The following ABCB4 variants were observed in gnomAD, a reference collection of about 807,000 sequenced individuals.
The protein encoded by ABCB4 is phosphatidylcholine translocator ABCB4.
A neutral mutation model predicts 145.7 loss-of-function variants in ABCB4; 76 were observed. That is an observed-to-expected ratio of 0.52 (90% CI 0.43 to 0.63). The LOEUF is 0.63. ABCB4 is among the 30% of genes least tolerant of loss of function. The pLI is 0.00. For missense variants in ABCB4, 1,234 were observed against 1,553.1 expected (o/e 0.79, Z 3.45); for synonymous variants, 517 against 566.8 (o/e 0.91, Z 1.25).
chr7:87,467,496 A>C (rs971755725), intron 3 of ABCB4, among the ~76,000 whole-genome samples: 2 of 152,206 alleles, frequency 1.3e-5, no homozygotes, highest in African/African-American at 4.8e-5. Flanking sequence ...ACGAGACAGA[A>C]GTTAACAAGG....
At chr7:87,411,390 G>A (rs185055455) in intron 23 of ABCB4, among the ~76,000 whole-genome samples, 1 of 152,206 alleles carries the variant, frequency 6.6e-6, no homozygotes, top group East Asian at 1.9e-4. Flanking sequence ...GTTTGCCTTG[G>A]AAACCAAGGA....
chr7:87,472,170 T>G (rs4148811), intron 3 of ABCB4, among the ~76,000 whole-genome samples: 40,484 of 151,980 alleles, frequency 0.27, 6,530 homozygotes, highest in African/African-American at 0.46. Flanking sequence ...GCCAAACTTA[T>G]ACAGCACAGG....
chr7:87,417,409 G>T lies in ABCB4; in HGVS notation c.2585C>A (p.Ala862Glu). ...TGACACAGCAATAATTGGAACAACT[G>T]CTAATAGCAATAGGGTTAACTGCCA... ...YGWQLTLLLL[A>E]VVPIIAVSGI... is the part of the protein sequence containing the mutation. Residue 862 changes from alanine to glutamate, a missense_variant, in exon 21 of 28, where the codon GCA (alanine) becomes GAA (glutamate). Physicochemically the swap from Ala to Glu is moderately radical, Grantham distance 107 (BLOSUM62 -1). Coordinates refer to ENST00000649586, the MANE Select transcript of ABCB4 (RefSeq NM_000443.4). The T allele has an allele frequency of 6.2e-7, 1 of 1,614,040 alleles. No individual in the cohort carries two copies. The highest frequency in any genetic ancestry group is 8.5e-7 in the Non-Finnish European group (1 of 1,179,954).
chr7:87,434,291 G>A (rs1562970997), intron 14 of ABCB4, among the ~76,000 whole-genome samples: 1 of 151,898 alleles, frequency 6.6e-6, no homozygotes, highest in Non-Finnish European at 1.5e-5. Flanking sequence ...ATGATCAGGA[G>A]TGTGCATGTA....
At chr7:87,374,088 C>G in the ABCB4 span, among the ~76,000 whole-genome samples, 1 of 151,922 alleles carries the variant, frequency 6.6e-6, no homozygotes, top group African/African-American at 2.4e-5. Context: ...AGAAGCCAGA[C>G]TGTGTGGGTT....
chr7:87,446,117 TCAC>T (rs1811329321), intron 9 of ABCB4, among the ~76,000 whole-genome samples: 1 of 152,156 alleles, frequency 6.6e-6, no homozygotes, highest in South Asian at 2.1e-4. Flanking sequence ...TAATGAGGGC[TCAC>T]CAAGTCGAAC....
At chr7:87,385,764 G>C in the ABCB4 span, among the ~76,000 whole-genome samples, 1 of 152,178 alleles carries the variant, frequency 6.6e-6, no homozygotes, top group Non-Finnish European at 1.5e-5. Context: ...CTAGATCTTA[G>C]AGGAAAGTCT....
At chr7:87,468,208 G>C (rs1320144093) in intron 3 of ABCB4, among the ~76,000 whole-genome samples, 1 of 152,110 alleles carries the variant, frequency 6.6e-6, no homozygotes, top group Non-Finnish European at 1.5e-5. Context: ...AAATGATAAA[G>C]GGGATATCAC....
At chr7:87,424,951 G>T (rs1239458144) in intron 16 of ABCB4, among the ~76,000 whole-genome samples, 1 of 151,988 alleles carries the variant, frequency 6.6e-6, no homozygotes, top group Non-Finnish European at 1.5e-5. Flanking sequence ...ACTGAGAAAG[G>T]TTATATTTAT....
chr7:87,451,534 C>T (rs1011876374), intron 7 of ABCB4, 89 bp downstream of exon 7: 1 of 1,427,806 alleles, frequency 7.0e-7, no homozygotes, highest in Non-Finnish European at 9.8e-7. Context: ...TAATGTAGAC[C>T]TGAACAGGTA....
At chr7:87,436,109 A>T (rs45437391) in intron 14 of ABCB4, among the ~76,000 whole-genome samples, 4,018 of 152,290 alleles carry the variant, frequency 0.026, 179 homozygotes, top group African/African-American at 0.091. Context: ...GCTGTGTACA[A>T]TGAGGTTTGG....
In ABCB4 at chr7:87,451,787, A is replaced by G; in HGVS notation, c.544T>C (p.Ser182Pro). The change falls in exon 7 of 28, where the codon TCC becomes CCC. Residue 182 changes from serine (S) to proline (P), a missense_variant. By Grantham distance (74) the Ser-to-Pro change is moderately conservative (BLOSUM62 -1). Around this residue, in one of 7 missense-constraint regions of ABCB4, gnomAD observed 467 missense variants for 632.8 expected, o/e 0.74. Coordinates refer to ENST00000649586, the MANE Select transcript of ABCB4 (RefSeq NM_000443.4). ...ELNTRLTDDI[S>P]KISEGIGDKV... The stretch of plus-strand genomic sequence containing the variant: ...TCACCAATTCCTTCACTGATTTTGG[A>G]GATGTCACTAAAAAAGATCACACCT... The G allele has an allele frequency of 6.2e-7, 1 of 1,614,166 alleles. No individual in the cohort carries two copies. The highest frequency in any genetic ancestry group is 1.1e-5 in the South Asian group (1 of 91,078).
chr7:87,424,060 A>G lies in ABCB4; in HGVS notation c.2065-8T>C, dbSNP rs962285918. On this transcript the variant is annotated splice_region_variant and splice_polypyrimidine_tract_variant and intron_variant, in intron 16 of 27. Coordinates refer to ENST00000649586, the MANE Select transcript of ABCB4 (RefSeq NM_000443.4). ...TGGTGGCACATTTGCTTCCTAGAAC[A>G]TATAAACATCAGGGCAAACTGGTGA... 1 of 1,613,914 alleles carries G rather than the reference A, an allele frequency of 6.2e-7. No homozygotes were observed. The highest frequency in any genetic ancestry group is 1.7e-5 in the Admixed American group (1 of 60,004).
chr7:87,446,954 G>A (rs960996610), intron 9 of ABCB4, 80 bp downstream of exon 9: 1 of 1,305,964 alleles, frequency 7.7e-7, no homozygotes, highest in Non-Finnish European at 1.1e-6. Context: ...TTTCAAAAAG[G>A]AGCGATATCA....
chr7:87,447,226 A>C (rs1233021861), intron 8 of ABCB4, 21 bp from the exon 9 acceptor site: 1 of 1,605,722 alleles, frequency 6.2e-7, no homozygotes, highest in Non-Finnish European at 8.5e-7. Context: ...AATGAGAGGG[A>C]AAACATTATA....
the ABCB4 span, chr7:87,369,560 C>T: frequency 1.2e-6 from 1 of 824,692 alleles, no homozygotes; most frequent in Non-Finnish European, 1.8e-6. Context: ...TTTAGAATTG[C>T]CTTTCAAGGT....
the ABCB4 span, among the ~76,000 whole-genome samples, chr7:87,378,835 G>A: frequency 2.0e-5 from 3 of 152,150 alleles, no homozygotes; most frequent in Non-Finnish European, 4.4e-5. Flanking sequence ...GTGCTTGGTT[G>A]CCTAAAGAAC....
At chr7:87,391,493 T>C in the ABCB4 span, 2 of 1,218,606 alleles carry the variant, frequency 1.6e-6, no homozygotes, top group Non-Finnish European at 2.3e-6. Context: ...AAGGGCTTAG[T>C]CTCTGAACAA....
At chr7:87,412,783 C>G (rs1230038424) in intron 22 of ABCB4, among the ~76,000 whole-genome samples, 1 of 152,150 alleles carries the variant, frequency 6.6e-6, no homozygotes, top group Admixed American at 6.5e-5. Flanking sequence ...TAAATTATAA[C>G]CAAGTTCATA....
Sources: gnomAD v4.1 joint callset for allele counts (sites outside exome capture counted in the v4.1 genomes callset) on GRCh38, gnomAD v4.1.1 for gene constraint, gnomAD v4.1.1 regional missense constraint, MANE v1.5 for transcripts, NCBI Gene and HGNC (gene_info 2026-07-23, HGNC 2026-07-21) for gene names.